EXOC6B: variants seen among roughly 807,000 people sequenced by gnomAD.
EXOC6B encodes exocyst complex component 6B.
Under a neutral mutation model 113.5 loss-of-function variants are expected in EXOC6B, and 54 were observed. The observed-to-expected ratio is 0.48, with a 90% CI of 0.38 to 0.60. The LOEUF (loss-of-function observed/expected upper bound fraction) is 0.60, where lower values mean the gene tolerates loss of function less well. Ranked by LOEUF, EXOC6B falls within the 20% of genes least tolerant of loss-of-function variation. EXOC6B has a pLI of 0.00. For missense variants in EXOC6B, 797 were observed against 977.5 expected, an observed-to-expected ratio of 0.82 and a Z score of 2.46; for synonymous variants, 357 against 339.0, an observed-to-expected ratio of 1.05 and a Z score of -0.58.
At chr2:72,729,849 CATGTCCTACTATTTTA>C (rs1680527828) in intron 5 of EXOC6B, among the ~76,000 whole-genome samples, 1 of 152,108 alleles carries the variant, frequency 6.6e-6, no homozygotes, top group Non-Finnish European at 1.5e-5. Context: ...CTTATGAGAG[CATGTCCTACTATTTTA>C]ATGTCTAATG....
chr2:72,651,625 T>A (rs11677707), intron 6 of EXOC6B, among the ~76,000 whole-genome samples: 93,952 of 152,142 alleles, frequency 0.62, 34,959 homozygotes, highest in East Asian at 0.99. Context: ...ACTTTGTGAC[T>A]GGAATGTTTT....
intron 20 of EXOC6B, among the ~76,000 whole-genome samples, chr2:72,216,331 A>G (rs898422728): frequency 2.6e-5 from 4 of 152,230 alleles, no homozygotes; most frequent in African/African-American, 9.6e-5. Flanking sequence ...CATTAGAGAA[A>G]TGCAAATTAA....
At chr2:72,423,301 C>T (rs1573087995) in intron 18 of EXOC6B, among the ~76,000 whole-genome samples, 1 of 151,812 alleles carries the variant, frequency 6.6e-6, no homozygotes, top group East Asian at 1.9e-4. Flanking sequence ...ACTCCAGACG[C>T]GCCACCTTAA....
At chr2:72,701,987 T>C (rs1017598321) in intron 6 of EXOC6B, among the ~76,000 whole-genome samples, 14 of 151,910 alleles carry the variant, frequency 9.2e-5, no homozygotes, top group African/African-American at 2.9e-4. Context: ...TAGTTACATA[T>C]GTATACATGT....
intron 16 of EXOC6B, among the ~76,000 whole-genome samples, chr2:72,486,141 G>T (rs574128240): frequency 6.6e-6 from 1 of 152,004 alleles, no homozygotes; most frequent in Non-Finnish European, 1.5e-5. Context: ...AGGCTGAGGC[G>T]GGTGGATCAC....
chr2:72,719,012 T>C (rs1679823088), intron 5 of EXOC6B, among the ~76,000 whole-genome samples: 1 of 152,186 alleles, frequency 6.6e-6, no homozygotes, highest in South Asian at 2.1e-4. Context: ...AAAACAACTA[T>C]TTCAGGGTTC....
At position 72,554,318 on chromosome 2, in the gene EXOC6B, A is replaced by T. The variant is rs376205550; in HGVS notation, c.915+5135T>A. ...CAGAGAACTTTCAATGGAAATTTTT[A>T]AAAAGTGGGGGATCAAGATCCTGAA... On this transcript the variant is annotated intron_variant, in intron 8 of 21. Coordinates refer to ENST00000272427, the MANE Select transcript of EXOC6B (RefSeq NM_015189.3). 1.5e-4 allele frequency among the ~76,000 whole-genome samples: 23 copies of T among 152,310 alleles called. 2 individuals carry two copies. Among genetic ancestry groups the T allele is most frequent in the African/African-American group, 4.8e-4 (20 of 41,564 alleles).
intron 20 of EXOC6B, among the ~76,000 whole-genome samples, chr2:72,211,410 C>T (rs968446758): frequency 1.3e-5 from 2 of 152,176 alleles, no homozygotes; most frequent in Non-Finnish European, 2.9e-5. Context: ...AAAGGAAAGC[C>T]TTGGGAGAAG....
intron 6 of EXOC6B, 59 bp downstream of exon 6, chr2:72,718,044 T>G (rs1461987012): frequency 7.8e-7 from 1 of 1,283,140 alleles, no homozygotes; most frequent in Admixed American, 2.4e-5. Context: ...AAGAGAAACC[T>G]GTGTTTAACT....
chr2:72,322,943 G>A (rs948238463), intron 20 of EXOC6B, among the ~76,000 whole-genome samples: 6 of 152,112 alleles, frequency 3.9e-5, no homozygotes, highest in East Asian at 1.9e-4. Context: ...AAGACTTCAC[G>A]TCCAAAATAC....
rs568345605 is a variant in EXOC6B, at chr2:72,386,613, C to T, written c.1981-6743G>A. ...CAAAGGTGCATAGGTACAGCTCAGGCTGCTACTTCAGAGGGTGCAAGCCAT... is the reference window on the plus strand; with the variant it reads ...CAAAGGTGCATAGGTACAGCTCAGGTTGCTACTTCAGAGGGTGCAAGCCAT... On this transcript the variant is annotated intron_variant, in intron 18 of 21. Coordinates refer to ENST00000272427, the MANE Select transcript of EXOC6B (RefSeq NM_015189.3). Among the ~76,000 whole-genome samples the T allele has an allele frequency of 3.9e-5, 6 of 152,334 alleles. No homozygotes were observed. In the South Asian group the frequency reaches 1.2e-3, roughly 32 times the overall value.
chr2:72,575,805 C>T (rs1014234461), intron 6 of EXOC6B, 137 bp from the exon 7 acceptor site: 6 of 708,992 alleles, frequency 8.5e-6, no homozygotes, highest in South Asian at 2.9e-5. Context: ...GATATCTTAA[C>T]GAAAATACTA....
intron 19 of EXOC6B, among the ~76,000 whole-genome samples, chr2:72,377,757 C>T (rs948088557): frequency 2.0e-5 from 3 of 152,016 alleles, no homozygotes; most frequent in Non-Finnish European, 2.9e-5. Flanking sequence ...AGGAGAAATA[C>T]GTGCAAGAGA....
chr2:72,798,226 G>A (rs879475341), intron 1 of EXOC6B, among the ~76,000 whole-genome samples: 1 of 152,038 alleles, frequency 6.6e-6, no homozygotes, highest in Non-Finnish European at 1.5e-5. Context: ...TTTACCTCTT[G>A]CAAAAGACAA....
At chr2:72,214,859 T>C (rs1376598803) in intron 20 of EXOC6B, among the ~76,000 whole-genome samples, 6 of 152,216 alleles carry the variant, frequency 3.9e-5, no homozygotes, top group African/African-American at 7.2e-5. Context: ...AATTTTGCTT[T>C]GGGGTTGTGA....
intron 7 of EXOC6B, among the ~76,000 whole-genome samples, chr2:72,573,151 G>A (rs1399564022): frequency 6.6e-6 from 1 of 152,148 alleles, no homozygotes; most frequent in Non-Finnish European, 1.5e-5. Flanking sequence ...CAATGATAAA[G>A]AATGGTTTCC....
intron 5 of EXOC6B, among the ~76,000 whole-genome samples, chr2:72,727,701 G>A (rs569881899): frequency 2.6e-5 from 4 of 152,022 alleles, no homozygotes; most frequent in African/African-American, 9.7e-5. Context: ...ACTGGTTCAA[G>A]AAAAAGACAC....
intron 1 of EXOC6B, among the ~76,000 whole-genome samples, chr2:72,812,691 T>TA (rs35624830): frequency 0.56 from 85,363 of 151,524 alleles, 29,388 homozygotes; most frequent in East Asian, 0.93. Flanking sequence ...CCCCCATCTC[T>TA]AAAAAATAAA....
chr2:72,725,049 T>TA (rs1420458628), intron 5 of EXOC6B, among the ~76,000 whole-genome samples: 4 of 152,180 alleles, frequency 2.6e-5, no homozygotes, highest in Admixed American at 1.3e-4. Flanking sequence ...ATGAATATTG[T>TA]AAACCCACAG....
Sources: gnomAD v4.1 joint callset for allele counts (sites outside exome capture counted in the v4.1 genomes callset) on GRCh38, gnomAD v4.1.1 for gene constraint, MANE v1.5 for transcripts, NCBI Gene and HGNC (gene_info 2026-07-23, HGNC 2026-07-21) for gene names.